Variants in LSM10 observed in about 807,000 individuals in gnomAD.
The protein encoded by LSM10 is LSM10, U7 small nuclear RNA associated.
In LSM10, 4 loss-of-function variants were observed where a neutral mutation model predicts 5.2. The ratio of observed to expected loss-of-function variants is 0.77; its 90% CI spans 0.38 to 1.77. LSM10 has a LOEUF of 1.77. Ranked by LOEUF, LSM10 falls within the 40% of genes most tolerant of loss-of-function variation. The pLI is 0.04. For synonymous variants in LSM10, 63 were observed against 67.4 expected (o/e 0.94, Z 0.32); for missense variants, 150 against 171.6 (o/e 0.87, Z 0.70).
chr1:36,395,634 C>CCT (rs1557534548), intron 1 of LSM10, among the ~76,000 whole-genome samples: 3 of 151,806 alleles, frequency 2.0e-5, no homozygotes, highest in Non-Finnish European at 4.4e-5. Flanking sequence ...AAAAATTAGT[C>CCT]GGGCATGGTG....
Position 36,393,524 on chromosome 1 carries a change from T to A in LSM10, c.*234A>T. 1.7e-6 allele frequency: 1 copy of A among 574,124 alleles called. No individual in the cohort carries two copies. Among genetic ancestry groups the A allele is most frequent in the Non-Finnish European group, 3.1e-6 (1 of 321,932 alleles). 35.6% of individuals were successfully genotyped at this position (574,124 alleles called of 1,614,324 possible). A position where few individuals can be genotyped will look rare whatever the true frequency, so the allele number is the denominator to read the frequency against. ...ATCAATAAGTCAGAGATTCAGATCA[T>A]CAAAAAGGGGGATTGTCACCTACCC... On this transcript the variant is annotated 3_prime_UTR_variant, in exon 2 of 2. Coordinates refer to ENST00000315732, the MANE Select transcript of LSM10 (RefSeq NM_032881.3).
intron 1 of LSM10, among the ~76,000 whole-genome samples, chr1:36,394,589 G>A (rs1223764541): frequency 6.6e-6 from 1 of 151,666 alleles, no homozygotes; most frequent in African/African-American, 2.4e-5. Flanking sequence ...GGCAGATCAC[G>A]AGGTCAGGAG....
chr1:36,394,164 G>T lies in LSM10; in HGVS notation c.-24-11C>A. On this transcript the variant is annotated splice_polypyrimidine_tract_variant and intron_variant, in intron 1 of 1. Coordinates refer to ENST00000315732, the MANE Select transcript of LSM10 (RefSeq NM_032881.3). ...CCAGCTGCCTGCTTGCTGTGGACAG[G>T]AGCACACAGATGGCAGCTATAGCAG... The T allele has an allele frequency of 6.3e-7, 1 of 1,588,762 alleles. No individual in the cohort carries two copies. Among genetic ancestry groups the T allele is most frequent in the South Asian group, 1.1e-5 (1 of 89,608 alleles).
intron 1 of LSM10, 22 bp from the exon 2 acceptor site, chr1:36,394,175 T>C (rs1647142292): frequency 6.3e-7 from 1 of 1,579,804 alleles, no homozygotes; most frequent in Admixed American, 1.7e-5. Context: ...AGCACACAGA[T>C]GGCAGCTATA....
chr1:36,394,827 C>T (rs542992612), intron 1 of LSM10, among the ~76,000 whole-genome samples: 5 of 148,948 alleles, frequency 3.4e-5, no homozygotes, highest in African/African-American at 5.0e-5. Context: ...GAGCATTGGC[C>T]GGGCGCGGTG....
intron 1 of LSM10, among the ~76,000 whole-genome samples, chr1:36,395,839 G>T (rs1647154258): frequency 6.6e-6 from 1 of 151,262 alleles, no homozygotes; most frequent in African/African-American, 2.4e-5. Flanking sequence ...GTGTGCATTA[G>T]AATCATCTGG....
In LSM10 at chr1:36,393,813, T is replaced by G; in HGVS notation, c.317A>C (p.Asn106Thr). ...CCGGCCTTGGCCCTTGCCACCAAAG[T>G]TTCGCACCCGATGGATAATCTGCAG... Reference protein sequence around the residue: ...QQLQIIHRVRNFGGKGQGRWE... With the variant: ...QQLQIIHRVRTFGGKGQGRWE... Residue 106 changes from asparagine to threonine, a missense_variant, in exon 2 of 2, where the codon AAC (asparagine) becomes ACC (threonine). Coordinates refer to ENST00000315732, the MANE Select transcript of LSM10 (RefSeq NM_032881.3). 2 of 1,614,160 alleles carry G rather than the reference T, an allele frequency of 1.2e-6. No individual in the cohort carries two copies. The highest frequency in any genetic ancestry group is 1.7e-6 in the Non-Finnish European group (2 of 1,180,016).
rs1413607810 is a variant in LSM10 at position 36,393,833 on chromosome 1, CT to C, written c.296del (p.Gln99ArgfsTer40). The C allele has an allele frequency of 1.9e-6, 3 of 1,614,250 alleles. No individual in the cohort carries two copies. The highest frequency in any genetic ancestry group is 1.7e-6 in the Non-Finnish European group (2 of 1,180,044). On this transcript the variant is annotated frameshift_variant, in exon 2 of 2. Coordinates refer to ENST00000315732, the MANE Select transcript of LSM10 (RefSeq NM_032881.3). LOFTEE classifies it high-confidence loss of function. ...CAAAGTTTCGCACCCGATGGATAAT[CT>C]GCAGCTGCTGCTCAATGGTCGAGGT... ...NITSTIEQQL[Q>X]IIHRVRNFGG...
intron 1 of LSM10, among the ~76,000 whole-genome samples, chr1:36,395,685 G>A (rs1380768502): frequency 2.6e-5 from 4 of 151,910 alleles, no homozygotes; most frequent in Admixed American, 1.3e-4. Context: ...GGTTGAGGCA[G>A]GAGAATCGCT....
Position 36,393,946 on chromosome 1 carries a change from G to A in LSM10, c.184C>T (p.Arg62Cys), listed in dbSNP as rs970369032. Residue 62 changes from arginine to cysteine, a missense_variant, in exon 2 of 2, where the codon CGT becomes TGT. By Grantham distance (180) the Arg-to-Cys change is radical. Coordinates refer to ENST00000315732, the MANE Select transcript of LSM10 (RefSeq NM_032881.3). ...IRLAKVTYTDRWGHQVKLDDL... is the reference protein window; with the variant it reads ...IRLAKVTYTDCWGHQVKLDDL... The stretch of plus-strand genomic sequence containing the variant: ...TCCAGCTTGACCTGATGCCCCCAAC[G>A]GTCCGTGTAGGTGACTTTGGCCAGG... The A allele has an allele frequency of 2.5e-6, 4 of 1,614,212 alleles. No homozygotes were observed. The highest frequency in any genetic ancestry group is 2.5e-6 in the Non-Finnish European group (3 of 1,180,038).
Position 36,393,671 on chromosome 1 carries a change from C to T in LSM10, c.*87G>A, listed in dbSNP as rs909766257. 1.2e-5 allele frequency: 18 copies of T among 1,543,762 alleles called. No homozygotes were observed. The highest frequency in any genetic ancestry group is 1.1e-4 in the Admixed American group (6 of 56,090). ...TTCTGGCCTGGCCCTGCTTTCTTCTCGGGTACCAGACAGGGTGTGAGGGCA... is the reference window on the plus strand; with the variant it reads ...TTCTGGCCTGGCCCTGCTTTCTTCTTGGGTACCAGACAGGGTGTGAGGGCA... On this transcript the variant is annotated 3_prime_UTR_variant, in exon 2 of 2. Transcript: ENST00000315732.
At chr1:36,395,426 G>A (rs143114388) in intron 1 of LSM10, among the ~76,000 whole-genome samples, 3 of 152,164 alleles carry the variant, frequency 2.0e-5, no homozygotes, top group African/African-American at 7.2e-5. Flanking sequence ...GAAAAATATG[G>A]CTAGGAGAGG....
rs1327019903 is a variant in LSM10, at chr1:36,393,772, T to C, written c.358A>G (p.Lys120Glu). The change falls in exon 2 of 2, where the codon AAA becomes GAA. Residue 120 changes from lysine to glutamate, a missense_variant. Coordinates refer to ENST00000315732, the MANE Select transcript of LSM10 (RefSeq NM_032881.3). Reference sequence around the variant, plus strand: ...TGCTGAGGGCCTCACTTACAGTTTTTTGGGGGAAATTCCCACCGGCCTTGG... The same window carrying C: ...TGCTGAGGGCCTCACTTACAGTTTTCTGGGGGAAATTCCCACCGGCCTTGG... ...KGQGRWEFPP[K>E]NCK 1 of 1,614,012 alleles carries C rather than the reference T, an allele frequency of 6.2e-7. No homozygotes were observed.
Position 36,397,789 on chromosome 1 carries a change from C to T in LSM10, c.-47G>A, listed in dbSNP as rs928929053. On this transcript the variant is annotated 5_prime_UTR_variant, in exon 1 of 2. Transcript: ENST00000315732. ...CACCACGCGACATTCCTTCCGCTTT[C>T]CCCGTCTGGGTCGCCGCCGAAGCTA... The T allele has an allele frequency of 3.9e-5, 6 of 152,224 alleles. No homozygotes were observed. Among genetic ancestry groups the T allele is most frequent in the African/African-American group, 1.4e-4 (6 of 41,456 alleles). The allele number at this position is 152,224 out of a possible 1,614,324, so 9.4% of individuals were successfully genotyped here. A position where few individuals can be genotyped will look rare whatever the true frequency, so the allele number is the denominator to read the frequency against.
chr1:36,393,612 C>T lies in LSM10; in HGVS notation c.*146G>A, dbSNP rs1224772653. Reference sequence around the variant, plus strand: ...CTGGGAGGTGGAACCCTGTGAAAGGCAGCTTTGACAGGTGGTGTCTGTTGG... The same window carrying T: ...CTGGGAGGTGGAACCCTGTGAAAGGTAGCTTTGACAGGTGGTGTCTGTTGG... On this transcript the variant is annotated 3_prime_UTR_variant, in exon 2 of 2. Transcript: ENST00000315732. 1.8e-6 allele frequency: 2 copies of T among 1,119,000 alleles called. No homozygotes were observed. The highest frequency in any genetic ancestry group is 2.2e-5 in the Admixed American group (1 of 45,694). The allele number at this position is 1,119,000 out of a possible 1,614,324, so 69.3% of individuals were successfully genotyped here. A position where few individuals can be genotyped will look rare whatever the true frequency, so the allele number is the denominator to read the frequency against.
At chr1:36,396,859 T>C (rs1408367617) in intron 1 of LSM10, among the ~76,000 whole-genome samples, 1 of 151,996 alleles carries the variant, frequency 6.6e-6, no homozygotes, top group Non-Finnish European at 1.5e-5. Context: ...TCTCAGCTAC[T>C]TGGGAGGCTG....
chr1:36,393,662 CT>C lies in LSM10; in HGVS notation c.*95del. ...GACACCAGCTTCTGGCCTGGCCCTG[CT>C]TTCTTCTCGGGTACCAGACAGGGTG... On this transcript the variant is annotated 3_prime_UTR_variant, in exon 2 of 2. Transcript: ENST00000315732. 1 of 1,529,554 alleles carries C rather than the reference CT, an allele frequency of 6.5e-7. No homozygotes were observed. The highest frequency in any genetic ancestry group is 8.9e-7 in the Non-Finnish European group (1 of 1,128,276). The allele number at this position is 1,529,554 out of a possible 1,614,324, so 94.7% of individuals were successfully genotyped here.
intron 1 of LSM10, among the ~76,000 whole-genome samples, chr1:36,396,168 A>G (rs911788034): frequency 7.3e-6 from 1 of 137,016 alleles, no homozygotes. Context: ...GCTTGCAGTG[A>G]GCTGCAAGTG....
intron 1 of LSM10, among the ~76,000 whole-genome samples, chr1:36,394,565 G>C (rs557881364): frequency 6.6e-6 from 1 of 152,206 alleles, no homozygotes; most frequent in Admixed American, 6.5e-5. Context: ...CCAGCACTTC[G>C]AGAGGCTGAG....
Sources: allele counts gnomAD v4.1 joint callset (sites outside exome capture counted in the v4.1 genomes callset), GRCh38; gene constraint gnomAD v4.1.1; transcripts MANE v1.5; gene names NCBI Gene and HGNC (gene_info 2026-07-23, HGNC 2026-07-21).